BNIP3L: variants seen among roughly 807,000 people sequenced by gnomAD.
BNIP3L encodes BCL2/adenovirus E1B 19 kDa protein-interacting protein 3-like.
BNIP3L carries 10 observed loss-of-function variants against 25.5 expected under a neutral mutation model. The ratio of observed to expected loss-of-function variants is 0.39; its 90% CI spans 0.24 to 0.67. BNIP3L has a LOEUF of 0.67. Ranked by LOEUF, BNIP3L falls within the 30% of genes least tolerant of loss-of-function variation. The pLI, the probability that BNIP3L is intolerant of heterozygous loss-of-function variation, is 0.45. For missense variants in BNIP3L, 215 were observed against 270.9 expected, an observed-to-expected ratio of 0.79 and a Z score of 1.45; for synonymous variants, 113 against 101.2, an observed-to-expected ratio of 1.12 and a Z score of -0.70.
intron 3 of BNIP3L, among the ~76,000 whole-genome samples, chr8:26,396,568 TCTC>T (rs1225299908): frequency 1.4e-5 from 2 of 145,010 alleles, no homozygotes; most frequent in African/African-American, 5.1e-5. Flanking sequence ...ACAGAGCGCC[TCTC>T]CTCCTCCAAA....
intron 1 of BNIP3L, chr8:26,390,245 T>A: frequency 8.9e-6 from 6 of 676,342 alleles, no homozygotes; most frequent in Non-Finnish European, 1.1e-5. Flanking sequence ...TGAGCCACTG[T>A]ACCTGGCCTC....
intron 2 of BNIP3L, among the ~76,000 whole-genome samples, chr8:26,392,702 T>C (rs1158740745): frequency 1.3e-5 from 2 of 152,158 alleles, no homozygotes; most frequent in Non-Finnish European, 2.9e-5. Flanking sequence ...GCTACAGCAT[T>C]AGTCTGTCTT....
At chr8:26,399,623 A>C (rs866276829) in intron 3 of BNIP3L, among the ~76,000 whole-genome samples, 1,081 of 50,440 alleles carry the variant, frequency 0.021, 323 homozygotes, top group African/African-American at 0.087. Context: ...AGAGGAAGTC[A>C]AATTGTCCCT....
chr8:26,410,679 C>T lies in BNIP3L; in HGVS notation c.*267C>T, dbSNP rs147987422. On this transcript the variant is annotated 3_prime_UTR_variant, in exon 6 of 6. Transcript: ENST00000380629. ...TAGAAATTTGCAAGGGCTTCTTTTC[C>T]GCAAATGCCACCAGCAGATTATAAT... 98 of 457,542 alleles carry T rather than the reference C, an allele frequency of 2.1e-4. No homozygotes were observed. Among genetic ancestry groups the T allele is most frequent in the Non-Finnish European group, 3.7e-4 (92 of 248,946 alleles). 28.3% of individuals were successfully genotyped at this position (457,542 alleles called of 1,614,324 possible). A position where few individuals can be genotyped will look rare whatever the true frequency, so the allele number is the denominator to read the frequency against.
chr8:26,394,764 T>C (rs1806195649), intron 2 of BNIP3L, among the ~76,000 whole-genome samples: 3 of 152,172 alleles, frequency 2.0e-5, no homozygotes, highest in Admixed American at 2.0e-4. Context: ...CCTACTAGTA[T>C]TGAGAAAGGA....
intron 1 of BNIP3L, among the ~76,000 whole-genome samples, chr8:26,387,729 T>C (rs1363741835): frequency 6.6e-6 from 1 of 152,214 alleles, no homozygotes; most frequent in Non-Finnish European, 1.5e-5. Context: ...AGATGATATT[T>C]TTGAAAGAGA....
rs573766474 is a variant in BNIP3L at position 26,412,234 on chromosome 8, A to G, written c.*1822A>G. Reference sequence around the variant, plus strand: ...TATTTATTTCAAGTGTTCATATTTGAATTTCTTTGGGAAGAAAGTAAATCT... The same window carrying G: ...TATTTATTTCAAGTGTTCATATTTGGATTTCTTTGGGAAGAAAGTAAATCT... On this transcript the variant is annotated 3_prime_UTR_variant, in exon 6 of 6. Transcript: ENST00000380629. 6.6e-6 allele frequency: 1 copy of G among 152,186 alleles called. No individual in the cohort carries two copies. The highest frequency in any genetic ancestry group is 2.4e-5 in the African/African-American group (1 of 41,448). 9.4% of individuals were successfully genotyped at this position (152,186 alleles called of 1,614,324 possible). A position where few individuals can be genotyped will look rare whatever the true frequency, so the allele number is the denominator to read the frequency against.
chr8:26,402,238 A>ACTG (rs1396899641), intron 3 of BNIP3L, among the ~76,000 whole-genome samples: 1 of 152,220 alleles, frequency 6.6e-6, no homozygotes, highest in African/African-American at 2.4e-5. Flanking sequence ...TGAGCTTTAT[A>ACTG]CTGTAGAGAA....
chr8:26,398,061 C>T (rs1189494948), intron 3 of BNIP3L, among the ~76,000 whole-genome samples: 449 of 56,572 alleles, frequency 7.9e-3, no homozygotes, highest in Non-Finnish European at 9.0e-3. Context: ...TTAGACAGAT[C>T]AACAAGACAG....
intron 1 of BNIP3L, among the ~76,000 whole-genome samples, chr8:26,383,684 T>TC (rs1409392303): frequency 6.7e-6 from 1 of 149,554 alleles, no homozygotes; most frequent in South Asian, 2.1e-4. Context: ...GCGGGACGTG[T>TC]CGGGGATCAG....
intron 1 of BNIP3L, among the ~76,000 whole-genome samples, chr8:26,386,604 A>G (rs1275595366): frequency 6.6e-6 from 1 of 151,886 alleles, no homozygotes; most frequent in East Asian, 1.9e-4. Flanking sequence ...CCAGCTAATT[A>G]TTTTATTTCT....
Position 26,410,877 on chromosome 8 carries a change from A to G in BNIP3L, c.*465A>G, listed in dbSNP as rs553582742. 3 of 152,280 alleles carry G rather than the reference A, an allele frequency of 2.0e-5. No homozygotes were observed. The highest frequency in any genetic ancestry group is 4.4e-5 in the Non-Finnish European group (3 of 68,140). The allele number at this position is 152,280 out of a possible 1,614,324, so 9.4% of individuals were successfully genotyped here. A position where few individuals can be genotyped will look rare whatever the true frequency, so the allele number is the denominator to read the frequency against. On this transcript the variant is annotated 3_prime_UTR_variant, in exon 6 of 6. Coordinates refer to ENST00000380629, the MANE Select transcript of BNIP3L (RefSeq NM_004331.3). ...CTAGTTGTTTTTTTTCCCCCAAGAC[A>G]AAGGCAAGTTTCCCTAAGTTTGAGT...
At chr8:26,404,806 C>T (rs1207021255) in intron 3 of BNIP3L, among the ~76,000 whole-genome samples, 3 of 152,086 alleles carry the variant, frequency 2.0e-5, no homozygotes, top group Admixed American at 2.0e-4. Flanking sequence ...TGGTGCCCAG[C>T]CAGAATCTTC....
intron 3 of BNIP3L, among the ~76,000 whole-genome samples, chr8:26,396,854 C>T (rs1281708169): frequency 3.0e-5 from 3 of 99,576 alleles, no homozygotes; most frequent in African/African-American, 1.2e-4. Context: ...ATGCGATCAA[C>T]TGGAAGAAAG....
intron 1 of BNIP3L, among the ~76,000 whole-genome samples, chr8:26,389,406 A>C (rs1806058456): frequency 6.6e-6 from 1 of 151,972 alleles, no homozygotes; most frequent in Non-Finnish European, 1.5e-5. Flanking sequence ...AATTATCTTC[A>C]ATGTTAGATC....
At chr8:26,409,780 C>T (rs982782931) in intron 5 of BNIP3L, among the ~76,000 whole-genome samples, 1 of 152,112 alleles carries the variant, frequency 6.6e-6, no homozygotes, top group Non-Finnish European at 1.5e-5. Context: ...GCTTTAATTG[C>T]ACTGGAGGTG....
At chr8:26,384,025 C>T (rs975176273) in intron 1 of BNIP3L, among the ~76,000 whole-genome samples, 16 of 152,182 alleles carry the variant, frequency 1.1e-4, no homozygotes, top group African/African-American at 3.6e-4. Flanking sequence ...TAAAAACGCA[C>T]TCGGGCAGTT....
chr8:26,401,129 C>A (rs28792446), intron 3 of BNIP3L, among the ~76,000 whole-genome samples: 19,738 of 136,270 alleles, frequency 0.14, 1,972 homozygotes, highest in Middle Eastern at 0.29. Flanking sequence ...ATGTTTATTG[C>A]GGCATTATTC....
At chr8:26,404,985 A>T (rs1806465860) in intron 3 of BNIP3L, among the ~76,000 whole-genome samples, 1 of 152,256 alleles carries the variant, frequency 6.6e-6, no homozygotes, top group Non-Finnish European at 1.5e-5. Flanking sequence ...ACAGAGTGGT[A>T]GTGAATGAGG....
Sources: gnomAD v4.1 joint callset for allele counts (sites outside exome capture counted in the v4.1 genomes callset) on GRCh38, gnomAD v4.1.1 for gene constraint, MANE v1.5 for transcripts, NCBI Gene and HGNC (gene_info 2026-07-23, HGNC 2026-07-21) for gene names.